The following PARG variants were observed in gnomAD, a reference collection of about 807,000 sequenced individuals.
The protein encoded by PARG is poly(ADP-ribose) glycohydrolase.
In PARG, 35 loss-of-function variants were observed where a neutral mutation model predicts 113.0. The ratio of observed to expected loss-of-function variants is 0.31; its 90% CI spans 0.24 to 0.41. PARG has a LOEUF of 0.41. PARG is among the 10% of genes least tolerant of loss of function. The pLI is 1.00. For synonymous variants in PARG, 330 were observed against 409.9 expected, an observed-to-expected ratio of 0.81 and a Z score of 2.36; for missense variants, 797 against 1,169.4, an observed-to-expected ratio of 0.68 and a Z score of 4.64.
intron 8 of PARG, among the ~76,000 whole-genome samples, chr10:49,880,769 A>G (rs568159644): frequency 6.6e-6 from 1 of 152,292 alleles, no homozygotes; most frequent in African/African-American, 2.4e-5. Flanking sequence ...ATTAACAAGA[A>G]AACAGAGACC....
chr10:49,866,723 C>G (rs1288539920), intron 10 of PARG, among the ~76,000 whole-genome samples: 1 of 152,150 alleles, frequency 6.6e-6, no homozygotes, highest in East Asian at 1.9e-4. Flanking sequence ...GAGAGCACGT[C>G]TGTTAGCATT....
chr10:49,935,159 A>G lies in PARG; in HGVS notation c.218-17T>C, dbSNP rs1838687734. 1.4e-6 allele frequency: 1 copy of G among 715,196 alleles called. No individual in the cohort carries two copies. Among genetic ancestry groups the G allele is most frequent in the Non-Finnish European group, 2.5e-6 (1 of 395,932 alleles). The allele number at this position is 715,196 out of a possible 1,614,324, so 44.3% of individuals were successfully genotyped here. A position where few individuals can be genotyped will look rare whatever the true frequency, so the allele number is the denominator to read the frequency against. On this transcript the variant is annotated splice_polypyrimidine_tract_variant and intron_variant, in intron 1 of 17. Transcript: ENST00000616448. ...GTTTGAAAACTATAAAAAAAAATGT[A>G]TATTCATACATTCCTTCAAATATAA... is the stretch of plus-strand genomic sequence containing the variant.
intron 6 of PARG, 133 bp downstream of exon 6, chr10:49,922,203 G>A: frequency 1.2e-6 from 1 of 844,848 alleles, no homozygotes; most frequent in Non-Finnish European, 1.8e-6. Flanking sequence ...TCTCTAAGGG[G>A]CCTTCCTTAG....
intron 6 of PARG, among the ~76,000 whole-genome samples, chr10:49,916,828 C>T (rs1490836376): frequency 2.0e-5 from 3 of 152,140 alleles, no homozygotes; most frequent in Non-Finnish European, 4.4e-5. Flanking sequence ...TTATAAATGA[C>T]TATTTATATT....
At chr10:49,905,167 T>G (rs1564646274) in intron 7 of PARG, among the ~76,000 whole-genome samples, 1 of 151,296 alleles carries the variant, frequency 6.6e-6, no homozygotes, top group Admixed American at 6.6e-5. Flanking sequence ...ACCCTTAAAA[T>G]AAAGAAACTT....
At chr10:49,890,209 A>C (rs1248576013) in intron 7 of PARG, among the ~76,000 whole-genome samples, 4 of 152,202 alleles carry the variant, frequency 2.6e-5, no homozygotes, top group Non-Finnish European at 5.9e-5. Context: ...CCTGCCCTCT[A>C]CTGGATAGTC....
chr10:49,929,904 A>C (rs1838403571), intron 4 of PARG, among the ~76,000 whole-genome samples: 1 of 150,758 alleles, frequency 6.6e-6, no homozygotes, highest in South Asian at 2.1e-4. Flanking sequence ...ATGATGAGAC[A>C]GTTTTAAATA....
In PARG at chr10:49,922,005, T is replaced by A. The variant is rs566915003; in HGVS notation, c.1662+331A>T. Among the ~76,000 whole-genome samples the A allele has an allele frequency of 2.0e-3, 300 of 152,284 alleles. 3 individuals carry two copies. The highest frequency in any genetic ancestry group is 7.0e-3 in the African/African-American group (290 of 41,568). On this transcript the variant is annotated intron_variant, in intron 6 of 17. Transcript: ENST00000616448. The stretch of plus-strand genomic sequence containing the variant: ...TGCTGAAGTCATAATTCTTTCCTGA[T>A]TTACTTTTAAAGATATTTCAGAAAC...
At chr10:49,911,626 T>C (rs1230555475) in intron 7 of PARG, among the ~76,000 whole-genome samples, 1 of 152,194 alleles carries the variant, frequency 6.6e-6, no homozygotes, top group East Asian at 1.9e-4. Context: ...AACAGATTGG[T>C]CTCTGTGATC....
chr10:49,825,690 G>C (rs1395258862), intron 16 of PARG, among the ~76,000 whole-genome samples: 7 of 152,172 alleles, frequency 4.6e-5, no homozygotes, highest in African/African-American at 1.4e-4. Flanking sequence ...CTTGCTAGCT[G>C]CTCTCTTGGG....
rs1442827616 is a variant in PARG at position 49,920,462 on chromosome 10, AAATAT to A, written c.1662+1869_1662+1873del. ...ACCCAGCCTCAAATTAAAAAAAAAA[AAATAT>A]ATATATATATATATATATATATATA... On this transcript the variant is annotated intron_variant, in intron 6 of 17. Transcript: ENST00000616448. 1.6e-3 allele frequency among the ~76,000 whole-genome samples: 81 copies of A among 52,028 alleles called. No homozygotes were observed. In the East Asian group the frequency reaches 0.018, roughly 11 times the overall value. 34.1% of individuals were successfully genotyped at this position (52,028 alleles called of 152,430 possible). A position where few individuals can be genotyped will look rare whatever the true frequency, so the allele number is the denominator to read the frequency against.
rs545437381 is a variant in PARG, at chr10:49,919,821, C to T, written c.1662+2515G>A. Among the ~76,000 whole-genome samples, 3 of 152,278 alleles carry T rather than the reference C, an allele frequency of 2.0e-5. No individual in the cohort carries two copies. In the South Asian group the frequency reaches 6.2e-4, roughly 32 times the overall value. ...GCTTGAGCCAGGGAGGTGTAGGTTGCAGTGAGCTGAGATCGTGCCACTGCG... is the reference window on the plus strand; with the variant it reads ...GCTTGAGCCAGGGAGGTGTAGGTTGTAGTGAGCTGAGATCGTGCCACTGCG... On this transcript the variant is annotated intron_variant, in intron 6 of 17. Transcript: ENST00000616448.
At chr10:49,938,974 A>G (rs1457172147) in intron 1 of PARG, among the ~76,000 whole-genome samples, 1 of 152,140 alleles carries the variant, frequency 6.6e-6, no homozygotes, top group Non-Finnish European at 1.5e-5. Flanking sequence ...GAAAACATTT[A>G]AACATGCGAA....
At chr10:49,900,223 T>C (rs2132738922) in intron 7 of PARG, among the ~76,000 whole-genome samples, 1 of 151,970 alleles carries the variant, frequency 6.6e-6, no homozygotes, top group South Asian at 2.1e-4. Context: ...CTGCCAATTC[T>C]CACCACAACC....
chr10:49,890,329 T>C (rs1412601132), intron 7 of PARG, among the ~76,000 whole-genome samples: 1 of 152,148 alleles, frequency 6.6e-6, no homozygotes, highest in African/African-American at 2.4e-5. Context: ...ATGTAATATA[T>C]ATTATACATA....
chr10:49,888,294 C>T (rs2664501), intron 7 of PARG, among the ~76,000 whole-genome samples: 27,915 of 149,952 alleles, frequency 0.19, 3,117 homozygotes, highest in Non-Finnish European at 0.26. Context: ...AAGTCTATTA[C>T]ATTTACTATA....
intron 7 of PARG, among the ~76,000 whole-genome samples, chr10:49,913,437 T>C (rs1350526614): frequency 2.6e-5 from 4 of 152,256 alleles, no homozygotes; most frequent in African/African-American, 9.6e-5. Flanking sequence ...TATAAAATTA[T>C]ATAACACAGA....
intron 17 of PARG, 53 bp downstream of exon 17, chr10:49,820,112 G>A: frequency 7.8e-7 from 1 of 1,285,170 alleles, no homozygotes; most frequent in Non-Finnish European, 1.1e-6. Context: ...TGTTCCCACT[G>A]AATGGTGTAC....
At chr10:49,867,137 G>A (rs1426462868) in intron 10 of PARG, 2 of 151,536 alleles carry the variant, frequency 1.3e-5, no homozygotes, top group African/African-American at 4.9e-5. Flanking sequence ...TGTCGTCTGG[G>A]AACACTATCA....
Sources: allele counts gnomAD v4.1 joint callset (sites outside exome capture counted in the v4.1 genomes callset), GRCh38; gene constraint gnomAD v4.1.1; transcripts MANE v1.5; gene names NCBI Gene and HGNC (gene_info 2026-07-23, HGNC 2026-07-21).